The following KCTD6 variants were observed in gnomAD, a reference collection of about 807,000 sequenced individuals.
KCTD6 encodes BTB/POZ domain-containing protein KCTD6.
A neutral mutation model predicts 18.7 loss-of-function variants in KCTD6; 6 were observed. The observed-to-expected ratio is 0.32, with a 90% CI of 0.18 to 0.63. The LOEUF (loss-of-function observed/expected upper bound fraction) is 0.63. Ranked by LOEUF, KCTD6 falls within the 30% of genes least tolerant of loss-of-function variation. The pLI, the probability that KCTD6 is intolerant of heterozygous loss-of-function variation, is 0.79. For synonymous variants in KCTD6, 86 were observed against 108.5 expected, an observed-to-expected ratio of 0.79 and a Z score of 1.29; for missense variants, 165 against 300.2, an observed-to-expected ratio of 0.55 and a Z score of 3.33.
intron 1 of KCTD6, among the ~76,000 whole-genome samples, chr3:58,494,757 G>A (rs1429618144): frequency 6.6e-6 from 1 of 152,110 alleles, no homozygotes; most frequent in Non-Finnish European, 1.5e-5. Flanking sequence ...ACTGAATTAT[G>A]TATGCATTTC....
At chr3:58,500,831 A>G (rs1286829195) in intron 2 of KCTD6, 115 bp from the exon 3 acceptor site, 1 of 658,158 alleles carries the variant, frequency 1.5e-6, no homozygotes, top group East Asian at 2.7e-5. Context: ...GGATTACTAA[A>G]TACATTATAG....
In KCTD6 at chr3:58,496,666, A is replaced by G. The variant is rs2063176512; in HGVS notation, c.-43-2047A>G. Among the ~76,000 whole-genome samples, 1 of 152,172 alleles carries G rather than the reference A, an allele frequency of 6.6e-6. No individual in the cohort carries two copies. The highest frequency in any genetic ancestry group is 1.5e-5 in the Non-Finnish European group (1 of 68,036). ...CCCTCTCACGGGCCTCTGCTGGTCC[A>G]TCTGTTATACAGCACTTTGAATTCT... On this transcript the variant is annotated intron_variant, in intron 1 of 2. Coordinates refer to ENST00000404589, the MANE Select transcript of KCTD6 (RefSeq NM_001128214.2). The surrounding 1 kb of genome is among the most constrained non-coding windows in gnomAD (Gnocchi z 5.1).
In KCTD6 at chr3:58,497,934, A is replaced by C. The variant is rs9870058; in HGVS notation, c.-43-779A>C. 17,227 of 151,360 alleles carry C rather than the reference A, an allele frequency of 0.11. 1,058 individuals carry two copies. The highest frequency in any genetic ancestry group is 0.22 in the East Asian group (1,121 of 5,140). The allele number at this position is 151,360 out of a possible 1,614,324, so 9.4% of individuals were successfully genotyped here. On this transcript the variant is annotated intron_variant, in intron 1 of 2. Transcript: ENST00000404589. The surrounding 1 kb of genome is among the most constrained non-coding windows in gnomAD (Gnocchi z 4.2). The stretch of plus-strand genomic sequence containing the variant: ...CTCAGGTGATTGGCTTGTATAGCTG[A>C]AATGCTGATGAAAAGGAGTTTTCCC...
Position 58,501,179 on chromosome 3 carries a change from T to A in KCTD6, c.261T>A (p.Asp87Glu). Residue 87 changes from aspartate to glutamate, a missense_variant, in exon 3 of 3, where the codon GAT (aspartate) becomes GAA (glutamate). Asp to Glu is a conservative substitution (Grantham distance 45). Transcript: ENST00000404589. This position sits in a 1 kb window ranked among gnomAD's most constrained non-coding sequence, Gnocchi z 9.7. Reference sequence around the variant, plus strand: ...TACCGTTGGATTTTAAGGAATTTGATCTGCTTCGGAAAGAAGCAGATTTTT... The same window carrying A: ...TACCGTTGGATTTTAAGGAATTTGAACTGCTTCGGAAAGAAGCAGATTTTT... ...LTLPLDFKEF[D>E]LLRKEADFYQ... The A allele has an allele frequency of 6.2e-7, 1 of 1,614,192 alleles. No individual in the cohort carries two copies. The highest frequency in any genetic ancestry group is 1.7e-5 in the Admixed American group (1 of 60,028).
Position 58,502,201 on chromosome 3 carries a change from A to G in KCTD6, c.*569A>G, listed in dbSNP as rs1177773900. ...ATCAAGGAACCAAATATCTGTAGCC[A>G]TGGAAATGTCTGACTAGAAATATTT... is the stretch of plus-strand genomic sequence containing the variant. On this transcript the variant is annotated 3_prime_UTR_variant, in exon 3 of 3. Transcript: ENST00000404589. 6.6e-6 allele frequency: 1 copy of G among 152,622 alleles called. No homozygotes were observed. The highest frequency in any genetic ancestry group is 1.5e-5 in the Non-Finnish European group (1 of 68,030). The allele number at this position is 152,622 out of a possible 1,614,324, so 9.5% of individuals were successfully genotyped here.
At chr3:58,494,767 C>G (rs1226149936) in intron 1 of KCTD6, among the ~76,000 whole-genome samples, 1 of 152,090 alleles carries the variant, frequency 6.6e-6, no homozygotes, top group Admixed American at 6.6e-5. Context: ...GTATGCATTT[C>G]TTCAGATATG....
Position 58,501,616 on chromosome 3 carries a change from G to A in KCTD6, c.698G>A (p.Arg233Gln), listed in dbSNP as rs745785635. Residue 233 changes from arginine to glutamine, a missense_variant, in exon 3 of 3, where the codon CGG (arginine) becomes CAG (glutamine). By Grantham distance (43) the Arg-to-Gln change is conservative (BLOSUM62 1). Transcript: ENST00000404589. This position sits in a 1 kb window ranked among gnomAD's most constrained non-coding sequence, Gnocchi z 9.7. ...EHNWTFCRLA[R>Q]KTDD ...AACTGGACTTTCTGTAGGCTAGCCC[G>A]GAAGACAGACGACTGATCTCCGACC... is the stretch of plus-strand genomic sequence containing the variant. The A allele has an allele frequency of 3.7e-6, 5 of 1,341,204 alleles. No homozygotes were observed. Among genetic ancestry groups the A allele is most frequent in the Non-Finnish European group, 4.8e-6 (5 of 1,039,038 alleles). 83.1% of individuals were successfully genotyped at this position (1,341,204 alleles called of 1,614,324 possible).
rs1005747457 is a variant in KCTD6, at chr3:58,496,445, G to A, written c.-43-2268G>A. 2.6e-5 allele frequency among the ~76,000 whole-genome samples: 4 copies of A among 152,160 alleles called. No homozygotes were observed. Among genetic ancestry groups the A allele is most frequent in the African/African-American group, 9.7e-5 (4 of 41,434 alleles). On this transcript the variant is annotated intron_variant, in intron 1 of 2. Coordinates refer to ENST00000404589, the MANE Select transcript of KCTD6 (RefSeq NM_001128214.2). This position sits in a 1 kb window ranked among gnomAD's most constrained non-coding sequence, Gnocchi z 5.1. Reference sequence around the variant, plus strand: ...TTTCTCTGTTTTGCATCTTTAAGATGAGGATAGTAATCCCTGCTCGGCCTA... The same window carrying A: ...TTTCTCTGTTTTGCATCTTTAAGATAAGGATAGTAATCCCTGCTCGGCCTA...
In KCTD6 at chr3:58,497,219, T is replaced by C. The variant is rs1207465718; in HGVS notation, c.-43-1494T>C. 6.6e-6 allele frequency among the ~76,000 whole-genome samples: 1 copy of C among 152,234 alleles called. No homozygotes were observed. Among genetic ancestry groups the C allele is most frequent in the African/African-American group, 2.4e-5 (1 of 41,458 alleles). On this transcript the variant is annotated intron_variant, in intron 1 of 2. Coordinates refer to ENST00000404589, the MANE Select transcript of KCTD6 (RefSeq NM_001128214.2). This position sits in a 1 kb window ranked among gnomAD's most constrained non-coding sequence, Gnocchi z 4.2. ...TTTTAGTTGTGTGCTTTGAAGGATT[T>C]GCAAGGTAGAGAAATAGATGCTTCA... is the stretch of plus-strand genomic sequence containing the variant.
rs1357917934 is a variant in KCTD6 at position 58,496,495 on chromosome 3, GA to G, written c.-43-2211del. On this transcript the variant is annotated intron_variant, in intron 1 of 2. Coordinates refer to ENST00000404589, the MANE Select transcript of KCTD6 (RefSeq NM_001128214.2). This position sits in a 1 kb window ranked among gnomAD's most constrained non-coding sequence, Gnocchi z 5.1. Reference sequence around the variant, plus strand: ...ACTGGTATCAGGAATGTTGTAGGGGGAAAAAAAGTCTTTCATGCCCCTGTCT... The same window carrying G: ...ACTGGTATCAGGAATGTTGTAGGGGGAAAAAAGTCTTTCATGCCCCTGTCT... Among the ~76,000 whole-genome samples, 1 of 152,034 alleles carries G rather than the reference GA, an allele frequency of 6.6e-6. No individual in the cohort carries two copies. The highest frequency in any genetic ancestry group is 2.4e-5 in the African/African-American group (1 of 41,396).
In KCTD6 at chr3:58,498,456, AG is replaced by A. The variant is rs1480124920; in HGVS notation, c.-43-256del. On this transcript the variant is annotated intron_variant, in intron 1 of 2. Coordinates refer to ENST00000404589, the MANE Select transcript of KCTD6 (RefSeq NM_001128214.2). This position sits in a 1 kb window ranked among gnomAD's most constrained non-coding sequence, Gnocchi z 4.6. ...TCCTAGACTCTTCCTCCTTCTCTTAAGTACAGTATAGTTCTTTCTCTGAAAA... is the reference window on the plus strand; with the variant it reads ...TCCTAGACTCTTCCTCCTTCTCTTAATACAGTATAGTTCTTTCTCTGAAAA... 2.9e-6 allele frequency: 1 copy of A among 341,190 alleles called. No homozygotes were observed. Among genetic ancestry groups the A allele is most frequent in the African/African-American group, 2.2e-5 (1 of 46,382 alleles). 21.1% of individuals were successfully genotyped at this position (341,190 alleles called of 1,614,324 possible). A position where few individuals can be genotyped will look rare whatever the true frequency, so the allele number is the denominator to read the frequency against.
chr3:58,497,363 A>G lies in KCTD6; in HGVS notation c.-43-1350A>G, dbSNP rs1343047471. ...GGGCTTGTTCTGGGAATTCTGTGCC[A>G]GATTCCTCTAAAAGTGGGAAAAGTG... On this transcript the variant is annotated intron_variant, in intron 1 of 2. Transcript: ENST00000404589. This position sits in a 1 kb window ranked among gnomAD's most constrained non-coding sequence, Gnocchi z 4.2. Among the ~76,000 whole-genome samples, 1 of 152,252 alleles carries G rather than the reference A, an allele frequency of 6.6e-6. No homozygotes were observed. Among genetic ancestry groups the G allele is most frequent in the Non-Finnish European group, 1.5e-5 (1 of 68,046 alleles).
At chr3:58,494,521 G>T (rs992127307) in intron 1 of KCTD6, 6 of 152,084 alleles carry the variant, frequency 3.9e-5, no homozygotes, top group African/African-American at 1.4e-4. Flanking sequence ...GTCAGTAGTT[G>T]GAGTTTTTTA....
Position 58,498,996 on chromosome 3 carries a change from G to A in KCTD6, c.27+214G>A, listed in dbSNP as rs1056839316. 1.3e-5 allele frequency among the ~76,000 whole-genome samples: 2 copies of A among 151,670 alleles called. No individual in the cohort carries two copies. Among genetic ancestry groups the A allele is most frequent in the African/African-American group, 4.8e-5 (2 of 41,286 alleles). ...TTTTATTTAATTTTTTTTATGTGGA[G>A]TCTCGCCTTCTTGCCCAGGCTGGAG... On this transcript the variant is annotated intron_variant, in intron 2 of 2. Transcript: ENST00000404589. This position sits in a 1 kb window ranked among gnomAD's most constrained non-coding sequence, Gnocchi z 4.6.
rs1197474996 is a variant in KCTD6, at chr3:58,501,350, C to G, written c.432C>G (p.Thr144=). 6.2e-7 allele frequency: 1 copy of G among 1,606,370 alleles called. No homozygotes were observed. Residue 144 remains threonine (T), a synonymous_variant, in exon 3 of 3, where the codon ACC becomes ACG. Coordinates refer to ENST00000404589, the MANE Select transcript of KCTD6 (RefSeq NM_001128214.2). This position sits in a 1 kb window ranked among gnomAD's most constrained non-coding sequence, Gnocchi z 9.7. ...TGGCTGTCATCATAACGCAACTAAC[C>G]ATCACCACTAAGGTCCATTCCTTAC... ...NPVAVIITQL[T]ITTKVHSLLE... is the part of the protein sequence containing the mutation.
Position 58,501,537 on chromosome 3 carries a change from A to C in KCTD6, c.619A>C (p.Asn207His), listed in dbSNP as rs201480109. 2.2e-4 allele frequency: 329 copies of C among 1,491,824 alleles called. No homozygotes were observed. The highest frequency in any genetic ancestry group is 2.8e-4 in the Non-Finnish European group (314 of 1,123,208). 92.4% of individuals were successfully genotyped at this position (1,491,824 alleles called of 1,614,324 possible). ...YITKQGFTIR[N>H]TRVHHMSERA... is the part of the protein sequence containing the mutation. ...TACAAAACAAGGTTTCACGATCCGC[A>C]ACACCCGGGTGCATCACATGAGTGA... The change falls in exon 3 of 3, where the codon AAC becomes CAC. Residue 207 changes from asparagine to histidine, a missense_variant. Physicochemically the swap from Asn to His is moderately conservative, Grantham distance 68. Around this residue, in one of 2 missense-constraint regions of KCTD6, gnomAD observed 106 missense variants for 230.4 expected, o/e 0.46. Transcript: ENST00000404589. This position sits in a 1 kb window ranked among gnomAD's most constrained non-coding sequence, Gnocchi z 9.7.
chr3:58,496,783 C>T lies in KCTD6; in HGVS notation c.-43-1930C>T, dbSNP rs2063176990. ...TGTCTTTTTCCTCTTTCTGTGTGTC[C>T]GCATTGCACATAGGCACCCCCTCCA... On this transcript the variant is annotated intron_variant, in intron 1 of 2. Transcript: ENST00000404589. The surrounding 1 kb of genome is among the most constrained non-coding windows in gnomAD (Gnocchi z 5.1). Among the ~76,000 whole-genome samples the T allele has an allele frequency of 1.3e-5, 2 of 152,118 alleles. No homozygotes were observed. Among genetic ancestry groups the T allele is most frequent in the Non-Finnish European group, 2.9e-5 (2 of 68,020 alleles).
chr3:58,497,249 C>G lies in KCTD6; in HGVS notation c.-43-1464C>G, dbSNP rs2063178814. Among the ~76,000 whole-genome samples, 1 of 152,250 alleles carries G rather than the reference C, an allele frequency of 6.6e-6. No individual in the cohort carries two copies. Among genetic ancestry groups the G allele is most frequent in the African/African-American group, 2.4e-5 (1 of 41,476 alleles). On this transcript the variant is annotated intron_variant, in intron 1 of 2. Transcript: ENST00000404589. The surrounding 1 kb of genome is among the most constrained non-coding windows in gnomAD (Gnocchi z 4.2). ...GGTAGAGAAATAGATGCTTCAGGCT[C>G]TGATTTCAGCCCATGCTGTGCTATG...
At chr3:58,500,780 G>A (rs904903936) in intron 2 of KCTD6, among the ~76,000 whole-genome samples, 166 bp from the exon 3 acceptor site, 3 of 152,034 alleles carry the variant, frequency 2.0e-5, no homozygotes, top group Admixed American at 1.3e-4. Flanking sequence ...CACTTCATCT[G>A]GGTGGGTTTA....
Sources: allele counts gnomAD v4.1 joint callset (sites outside exome capture counted in the v4.1 genomes callset), GRCh38; gene constraint gnomAD v4.1.1; regional missense constraint gnomAD v4.1.1; non-coding constraint Gnocchi (gnomAD v3.1); transcripts MANE v1.5; gene names NCBI Gene and HGNC (gene_info 2026-07-23, HGNC 2026-07-21).